Variants in PRDM6 observed in about 807,000 individuals in gnomAD.
PRDM6 encodes the protein putative histone-lysine N-methyltransferase PRDM6.
In PRDM6, 25 loss-of-function variants were observed where a neutral mutation model predicts 60.8. The ratio of observed to expected loss-of-function variants is 0.41; its 90% CI spans 0.30 to 0.57. The LOEUF (loss-of-function observed/expected upper bound fraction) is 0.57, where lower values mean the gene tolerates loss of function less well. Among genes scored for constraint, PRDM6 ranks in the 20% least tolerant of loss-of-function variants. The pLI, the probability that PRDM6 is intolerant of heterozygous loss-of-function variation, is 0.27. For missense variants in PRDM6, 839 were observed against 821.3 expected (o/e 1.02, Z -0.26); for synonymous variants, 407 against 357.4 (o/e 1.14, Z -1.57).
chr5:123,091,940 GAA>G (rs34401743), intron 2 of PRDM6, among the ~76,000 whole-genome samples: 1 of 149,706 alleles, frequency 6.7e-6, no homozygotes, highest in East Asian at 2.0e-4. Context: ...TTGATTTGAT[GAA>G]AAAAAAAACA....
chr5:123,186,766 T>C (rs1034262215), intron 7 of PRDM6, among the ~76,000 whole-genome samples: 1 of 152,254 alleles, frequency 6.6e-6, no homozygotes, highest in Non-Finnish European at 1.5e-5. Context: ...GGCAAGCTGC[T>C]TCTTTGATGG....
chr5:123,130,903 C>T (rs939573309), intron 3 of PRDM6, among the ~76,000 whole-genome samples: 4 of 152,166 alleles, frequency 2.6e-5, no homozygotes, highest in African/African-American at 9.7e-5. Context: ...CCATGTGTTC[C>T]ATTAAAGTGT....
intron 3 of PRDM6, among the ~76,000 whole-genome samples, chr5:123,126,685 C>G (rs1399061186): frequency 6.6e-6 from 1 of 152,114 alleles, no homozygotes. Context: ...ACACATATTT[C>G]TACATTTTCT....
chr5:123,180,790 T>A (rs1766137975), intron 7 of PRDM6, among the ~76,000 whole-genome samples: 1 of 152,196 alleles, frequency 6.6e-6, no homozygotes, highest in African/African-American at 2.4e-5. Flanking sequence ...AAATATATCC[T>A]CCTCTTTCCT....
rs1413530482 is a variant in PRDM6, at chr5:123,188,181, A to T, written c.*980A>T. 1.3e-5 allele frequency: 2 copies of T among 152,132 alleles called. No individual in the cohort carries two copies. Among genetic ancestry groups the T allele is most frequent in the African/African-American group, 4.8e-5 (2 of 41,418 alleles). 9.4% of individuals were successfully genotyped at this position (152,132 alleles called of 1,614,324 possible). ...AATTTTATCTTTCTTCCTCTTGCAG[A>T]TGAACCCCAGGAGCCCCCTTTCCTC... On this transcript the variant is annotated 3_prime_UTR_variant, in exon 8 of 8. Transcript: ENST00000407847.
intron 3 of PRDM6, among the ~76,000 whole-genome samples, chr5:123,153,038 G>A (rs1171253775): frequency 6.6e-6 from 1 of 152,108 alleles, no homozygotes; most frequent in Non-Finnish European, 1.5e-5. Flanking sequence ...CAGACCAAAA[G>A]CAATGGTTTG....
intron 5 of PRDM6, among the ~76,000 whole-genome samples, chr5:123,164,968 A>G (rs1765722035): frequency 6.6e-6 from 1 of 152,120 alleles, no homozygotes; most frequent in Non-Finnish European, 1.5e-5. Flanking sequence ...GACAACCCTA[A>G]AGGACATTCA....
chr5:123,110,419 T>G (rs1764285270), intron 3 of PRDM6, among the ~76,000 whole-genome samples: 1 of 150,416 alleles, frequency 6.6e-6, no homozygotes, highest in South Asian at 2.1e-4. Flanking sequence ...CCACCACGCC[T>G]GGTTAATTTT....
intron 3 of PRDM6, among the ~76,000 whole-genome samples, chr5:123,136,081 G>A (rs383053): frequency 6.6e-6 from 1 of 152,200 alleles, no homozygotes; most frequent in Non-Finnish European, 1.5e-5. Context: ...TGTTCTGCTA[G>A]ACGTGCATGG....
rs1275324867 is a variant in PRDM6 at position 123,190,152 on chromosome 5, A to G, written c.*2951A>G. ...GAATCAGGGTTTGGCTCTTGAAGCA[A>G]TCCTTCTTTACTCTTTTCTTTCAAT... On this transcript the variant is annotated 3_prime_UTR_variant, in exon 8 of 8. Transcript: ENST00000407847. The G allele has an allele frequency of 6.6e-6, 1 of 152,210 alleles. No individual in the cohort carries two copies. The highest frequency in any genetic ancestry group is 1.5e-5 in the Non-Finnish European group (1 of 68,042). The allele number at this position is 152,210 out of a possible 1,614,324, so 9.4% of individuals were successfully genotyped here.
At chr5:123,105,241 G>T (rs1298477837) in intron 3 of PRDM6, among the ~76,000 whole-genome samples, 1 of 152,076 alleles carries the variant, frequency 6.6e-6, no homozygotes, top group African/African-American at 2.4e-5. Flanking sequence ...CTTACACCAT[G>T]TAATTTTTTT....
chr5:123,142,571 G>A (rs1176933341), intron 3 of PRDM6, among the ~76,000 whole-genome samples: 2 of 151,970 alleles, frequency 1.3e-5, no homozygotes, highest in Non-Finnish European at 2.9e-5. Flanking sequence ...AAAAATGGTG[G>A]CATCATAGGA....
intron 4 of PRDM6, among the ~76,000 whole-genome samples, chr5:123,156,510 T>C (rs1398074928): frequency 1.3e-5 from 2 of 152,232 alleles, no homozygotes; most frequent in African/African-American, 2.4e-5. Context: ...TTAGTGGCAG[T>C]GACAGAGCCA....
At chr5:123,108,979 A>G (rs1764251527) in intron 3 of PRDM6, among the ~76,000 whole-genome samples, 1 of 152,140 alleles carries the variant, frequency 6.6e-6, no homozygotes, top group African/African-American at 2.4e-5. Flanking sequence ...GTCTAGTCTT[A>G]TCCTCTCCAC....
chr5:123,155,239 TC>T (rs947433510), intron 3 of PRDM6, among the ~76,000 whole-genome samples: 2 of 151,628 alleles, frequency 1.3e-5, no homozygotes, highest in African/African-American at 4.8e-5. Context: ...CCATTTTTTT[TC>T]TTTCCTTTTT....
chr5:123,112,484 C>G (rs953422881), intron 3 of PRDM6, among the ~76,000 whole-genome samples: 1 of 152,162 alleles, frequency 6.6e-6, no homozygotes, highest in African/African-American at 2.4e-5. Context: ...GGAAGTCATC[C>G]GAGCATGTAG....
intron 3 of PRDM6, among the ~76,000 whole-genome samples, chr5:123,138,901 G>A (rs1158418288): frequency 1.3e-5 from 2 of 152,104 alleles, no homozygotes; most frequent in African/African-American, 4.8e-5. Flanking sequence ...CTGTGTCCTC[G>A]CCCAAATCTC....
rs1764050333 is a variant in PRDM6, at chr5:123,099,634, C to T, written c.593-20C>T. The T allele has an allele frequency of 6.9e-7, 1 of 1,442,960 alleles. No individual in the cohort carries two copies. Among genetic ancestry groups the T allele is most frequent in the Non-Finnish European group, 9.1e-7 (1 of 1,094,334 alleles). 89.4% of individuals were successfully genotyped at this position (1,442,960 alleles called of 1,614,324 possible). A position where few individuals can be genotyped will look rare whatever the true frequency, so the allele number is the denominator to read the frequency against. The stretch of plus-strand genomic sequence containing the variant: ...CGGATTAACCCGCTCCCTTCCCTTC[C>T]TCCTTCTTGTCTCCCGCAGGTTGCG... On this transcript the variant is annotated intron_variant, in intron 2 of 7. Transcript: ENST00000407847. The surrounding 1 kb of genome is among the most constrained non-coding windows in gnomAD (Gnocchi z 4.0).
chr5:123,107,948 A>G (rs534125988), intron 3 of PRDM6, among the ~76,000 whole-genome samples: 2 of 152,256 alleles, frequency 1.3e-5, no homozygotes, highest in South Asian at 4.1e-4. Context: ...GTGTCTTGAT[A>G]TTATCTCCTC....
Sources: gnomAD v4.1 joint callset for allele counts (sites outside exome capture counted in the v4.1 genomes callset) on GRCh38, gnomAD v4.1.1 for gene constraint, Gnocchi (gnomAD v3.1) non-coding constraint, MANE v1.5 for transcripts, NCBI Gene and HGNC (gene_info 2026-07-23, HGNC 2026-07-21) for gene names.